Variants in PTPRT observed in about 807,000 individuals in gnomAD.
The protein encoded by PTPRT is receptor-type tyrosine-protein phosphatase T.
In PTPRT, 56 loss-of-function variants were observed where a neutral mutation model predicts 176.8. The observed-to-expected ratio is 0.32, with a 90% confidence interval of 0.26 to 0.40. The LOEUF (loss-of-function observed/expected upper bound fraction) is 0.40, where lower values mean the gene tolerates loss of function less well. Among genes scored for constraint, PTPRT ranks in the 10% least tolerant of loss-of-function variants. PTPRT has a pLI of 1.00. For missense variants in PTPRT, 1,540 were observed against 1,908.2 expected, an observed-to-expected ratio of 0.81 and a Z score of 3.60; for synonymous variants, 783 against 739.0, an observed-to-expected ratio of 1.06 and a Z score of -0.96.
chr20:43,090,413 G>A (rs2425580), intron 1 of PTPRT, among the ~76,000 whole-genome samples: 25,506 of 151,776 alleles, frequency 0.17, 5,103 homozygotes, highest in African/African-American at 0.48. Context: ...GACTACAGGC[G>A]CCCGCCACCA....
chr20:42,761,828 G>A (rs1381533942), intron 5 of PTPRT, among the ~76,000 whole-genome samples: 1 of 152,182 alleles, frequency 6.6e-6, no homozygotes, highest in African/African-American at 2.4e-5. Context: ...TCACTTTGCT[G>A]AGGGGCTGAG....
chr20:43,125,502 C>T (rs1568799826), intron 1 of PTPRT, among the ~76,000 whole-genome samples: 1 of 152,186 alleles, frequency 6.6e-6, no homozygotes, highest in Admixed American at 6.5e-5. Context: ...TAAAGAAATG[C>T]TCTATAGCTA....
intron 1 of PTPRT, among the ~76,000 whole-genome samples, chr20:42,892,999 G>A (rs1167410355): frequency 1.3e-5 from 2 of 152,118 alleles, no homozygotes; most frequent in Admixed American, 1.3e-4. Context: ...CCCAGGGGAG[G>A]CCTTGCAGGG....
chr20:42,283,888 A>T (rs777728983), intron 12 of PTPRT, among the ~76,000 whole-genome samples: 27 of 152,072 alleles, frequency 1.8e-4, no homozygotes, highest in Non-Finnish European at 3.1e-4. Flanking sequence ...GCTGGAAATG[A>T]TCACTTCTAT....
chr20:42,052,091 TG>T, the PTPRT span, among the ~76,000 whole-genome samples: 4 of 152,302 alleles, frequency 2.6e-5, no homozygotes, highest in South Asian at 8.3e-4. Flanking sequence ...TCCGGACATC[TG>T]GGGTGGCATA....
At chr20:42,262,812 C>T (rs1600744903) in intron 13 of PTPRT, among the ~76,000 whole-genome samples, 1 of 150,794 alleles carries the variant, frequency 6.6e-6, no homozygotes, top group African/African-American at 2.4e-5. Context: ...ATACCTTGTA[C>T]ATATGCCATG....
chr20:42,911,318 G>A lies in PTPRT; in HGVS notation c.89-25386C>T, dbSNP rs530624817. On this transcript the variant is annotated intron_variant, in intron 1 of 30. Coordinates refer to ENST00000373187, the MANE Select transcript of PTPRT (RefSeq NM_007050.6). ...CCAAACATGTAGAACCAAGAAAAAC[G>A]TCTGGCACATTTTAAGAGCTAAATA... 1.4e-4 allele frequency among the ~76,000 whole-genome samples: 22 copies of A among 152,148 alleles called. No individual in the cohort carries two copies. In the South Asian group the frequency reaches 3.5e-3, roughly 24 times the overall value.
intron 15 of PTPRT, among the ~76,000 whole-genome samples, chr20:42,207,240 C>T (rs1348221016): frequency 6.6e-6 from 1 of 152,202 alleles, no homozygotes; most frequent in African/African-American, 2.4e-5. Flanking sequence ...AGCGCCTCTC[C>T]TCCTCCAAAG....
chr20:42,193,300 C>T (rs1991070769), intron 16 of PTPRT, among the ~76,000 whole-genome samples: 1 of 152,236 alleles, frequency 6.6e-6, no homozygotes, highest in South Asian at 2.1e-4. Context: ...CTGCTAGGCT[C>T]CATGCCAGTA....
chr20:42,094,481 G>T lies in PTPRT; in HGVS notation c.3846+3940C>A, dbSNP rs150140781. On this transcript the variant is annotated intron_variant, in intron 27 of 30. Coordinates refer to ENST00000373187, the MANE Select transcript of PTPRT (RefSeq NM_007050.6). ...CTGTCGCCCTAGGCTAGAGTACTGT[G>T]GTGTGATCACAGTTCTCCACAGCTT... Among the ~76,000 whole-genome samples the T allele has an allele frequency of 9.9e-5, 15 of 152,136 alleles. No individual in the cohort carries two copies. In the East Asian group the frequency reaches 2.9e-3, roughly 29 times the overall value.
chr20:42,463,722 CATGTACA>C (rs1428373957), intron 8 of PTPRT, among the ~76,000 whole-genome samples: 2 of 151,960 alleles, frequency 1.3e-5, no homozygotes, highest in Non-Finnish European at 2.9e-5. Context: ...AGCAGATAGC[CATGTACA>C]ATTCAACAGG....
intron 3 of PTPRT, among the ~76,000 whole-genome samples, chr20:42,782,252 C>T (rs977626356): frequency 3.5e-4 from 53 of 150,208 alleles, no homozygotes; most frequent in African/African-American, 1.2e-3. Context: ...TCCCTTCTAA[C>T]GTGGGCCCCT....
intron 9 of PTPRT, among the ~76,000 whole-genome samples, chr20:42,361,174 C>T (rs955677068): frequency 6.6e-6 from 1 of 152,086 alleles, no homozygotes; most frequent in East Asian, 1.9e-4. Flanking sequence ...TGAGCCCACC[C>T]CACTCAGGAG....
chr20:43,123,972 T>C (rs2013356726), intron 1 of PTPRT, among the ~76,000 whole-genome samples: 1 of 152,234 alleles, frequency 6.6e-6, no homozygotes, highest in Admixed American at 6.5e-5. Context: ...CAGAGCCCTA[T>C]GAAATTGTGA....
chr20:42,543,190 T>A (rs934858993), intron 7 of PTPRT, among the ~76,000 whole-genome samples: 1 of 152,226 alleles, frequency 6.6e-6, no homozygotes, highest in African/African-American at 2.4e-5. Context: ...CAGCATGAGA[T>A]GCTCTTTGAT....
At chr20:43,014,090 T>G (rs1391894866) in intron 1 of PTPRT, among the ~76,000 whole-genome samples, 1 of 152,184 alleles carries the variant, frequency 6.6e-6, no homozygotes, top group Non-Finnish European at 1.5e-5. Flanking sequence ...GGTGGAGAGA[T>G]AATGATTAAA....
At chr20:42,782,688 A>G (rs1402536494) in intron 3 of PTPRT, among the ~76,000 whole-genome samples, 1 of 152,242 alleles carries the variant, frequency 6.6e-6, no homozygotes, top group Non-Finnish European at 1.5e-5. Context: ...CACCTAAAAC[A>G]GAATGACTGC....
chr20:42,673,149 G>C (rs1019704712), intron 7 of PTPRT, among the ~76,000 whole-genome samples: 2 of 152,192 alleles, frequency 1.3e-5, no homozygotes, highest in African/African-American at 4.8e-5. Context: ...CTGTGGTGAA[G>C]AGTTTCTCTG....
chr20:43,122,054 C>T (rs1303255305), intron 1 of PTPRT, among the ~76,000 whole-genome samples: 2 of 152,090 alleles, frequency 1.3e-5, no homozygotes, highest in African/African-American at 2.4e-5. Context: ...TTCTAGTCCC[C>T]GGCTTCAGCA....
Sources: allele counts gnomAD v4.1 joint callset (sites outside exome capture counted in the v4.1 genomes callset), GRCh38; gene constraint gnomAD v4.1.1; transcripts MANE v1.5; gene names NCBI Gene and HGNC (gene_info 2026-07-23, HGNC 2026-07-21).